Variants in AMBRA1 observed in about 807,000 individuals in gnomAD.
AMBRA1 encodes the protein activating molecule in BECN1-regulated autophagy protein 1.
Under a neutral mutation model 125.4 loss-of-function variants are expected in AMBRA1, and 47 were observed. That is an observed-to-expected ratio of 0.37 (90% CI 0.30 to 0.48). AMBRA1 has a LOEUF of 0.48. Ranked by LOEUF, AMBRA1 falls within the 20% of genes least tolerant of loss-of-function variation. The probability of loss-of-function intolerance (pLI) is 0.99; values close to 1 mark genes in which losing one functional copy is unlikely to be tolerated. For missense variants in AMBRA1, 1,331 were observed against 1,693.4 expected (o/e 0.79, Z 3.76); for synonymous variants, 626 against 655.5 (o/e 0.95, Z 0.69).
chr11:46,443,390 T>A, intron 12 of AMBRA1, 98 bp downstream of exon 12: 1 of 902,246 alleles, frequency 1.1e-6, no homozygotes. Flanking sequence ...AACTGCTCAA[T>A]AGGATGATGA....
At chr11:46,547,482 C>T (rs946563379) in intron 3 of AMBRA1, 186 bp from the exon 4 acceptor site, 11 of 599,534 alleles carry the variant, frequency 1.8e-5, no homozygotes, top group Non-Finnish European at 3.1e-5. Context: ...TTTGGCTTGT[C>T]CACACTGTCC....
At chr11:46,459,809 C>T (rs1949020792) in intron 11 of AMBRA1, among the ~76,000 whole-genome samples, 2 of 150,946 alleles carry the variant, frequency 1.3e-5, no homozygotes, top group African/African-American at 2.4e-5. Context: ...AAAATATATA[C>T]ATTTTACTAT....
At chr11:46,415,069 C>T (rs1384545366) in intron 15 of AMBRA1, among the ~76,000 whole-genome samples, 1 of 151,992 alleles carries the variant, frequency 6.6e-6, no homozygotes, top group Non-Finnish European at 1.5e-5. Context: ...GGGAGGGCTG[C>T]AATCTTGGCC....
At chr11:46,524,768 C>T (rs1235018851) in intron 7 of AMBRA1, among the ~76,000 whole-genome samples, 1 of 152,190 alleles carries the variant, frequency 6.6e-6, no homozygotes, top group Non-Finnish European at 1.5e-5. Flanking sequence ...TCTGTCCACT[C>T]AAGTCACTAT....
intron 7 of AMBRA1, among the ~76,000 whole-genome samples, chr11:46,535,776 G>A (rs1186459180): frequency 6.6e-6 from 1 of 152,066 alleles, no homozygotes; most frequent in African/African-American, 2.4e-5. Context: ...ATAGGAATGG[G>A]GTACCAAAAA....
At chr11:46,538,290 A>C (rs1202591277) in intron 7 of AMBRA1, among the ~76,000 whole-genome samples, 2 of 152,212 alleles carry the variant, frequency 1.3e-5, no homozygotes, top group African/African-American at 2.4e-5. Flanking sequence ...TTAATATACT[A>C]TCTTACAATG....
At chr11:46,497,447 G>T (rs1028574505) in intron 9 of AMBRA1, among the ~76,000 whole-genome samples, 2 of 152,164 alleles carry the variant, frequency 1.3e-5, no homozygotes, top group Admixed American at 6.6e-5. Flanking sequence ...TGGAGAAATA[G>T]GAGCTAAATG....
intron 7 of AMBRA1, among the ~76,000 whole-genome samples, chr11:46,529,923 T>C (rs966624563): frequency 1.3e-5 from 2 of 152,170 alleles, no homozygotes; most frequent in African/African-American, 2.4e-5. Flanking sequence ...TACTGAATCC[T>C]GGGCCCACCC....
chr11:46,592,520 G>A (rs1368398494), intron 1 of AMBRA1, among the ~76,000 whole-genome samples: 1 of 152,140 alleles, frequency 6.6e-6, no homozygotes, highest in Non-Finnish European at 1.5e-5. Context: ...CACTTTGAGA[G>A]GCCGACGTGG....
rs532906879 is a variant in AMBRA1 at position 46,470,833 on chromosome 11, A to G, written c.2521+22775T>C. 3.9e-5 allele frequency among the ~76,000 whole-genome samples: 6 copies of G among 152,292 alleles called. No homozygotes were observed. In the South Asian group the frequency reaches 1.2e-3, roughly 32 times the overall value. On this transcript the variant is annotated intron_variant, in intron 11 of 17. Transcript: ENST00000683756. ...AAGGAAGTTTGTTTACTCATCAGACAAATATTTGAGTATCTACTACATGCC... is the reference window on the plus strand; with the variant it reads ...AAGGAAGTTTGTTTACTCATCAGACGAATATTTGAGTATCTACTACATGCC...
At chr11:46,562,118 A>T (rs1185672719) in intron 1 of AMBRA1, among the ~76,000 whole-genome samples, 1 of 152,220 alleles carries the variant, frequency 6.6e-6, no homozygotes, top group Non-Finnish European at 1.5e-5. Flanking sequence ...GAAAGAAAAC[A>T]ACACACCCTT....
intron 7 of AMBRA1, among the ~76,000 whole-genome samples, chr11:46,538,194 A>G (rs1464845154): frequency 6.6e-6 from 1 of 152,210 alleles, no homozygotes. Context: ...AACATACCTC[A>G]TTTTTGAGAC....
Position 46,512,709 on chromosome 11 carries a change from T to C in AMBRA1, c.2159+18A>G, listed in dbSNP as rs774436853. On this transcript the variant is annotated intron_variant, in intron 8 of 17. Transcript: ENST00000683756. Reference sequence around the variant, plus strand: ...CGCCCCTCCCCCCACCTAGTGCCATTTCTCACTTTGGCCTTACCTCGCTGG... The same window carrying C: ...CGCCCCTCCCCCCACCTAGTGCCATCTCTCACTTTGGCCTTACCTCGCTGG... 1 of 1,610,076 alleles carries C rather than the reference T, an allele frequency of 6.2e-7. No individual in the cohort carries two copies. Among genetic ancestry groups the C allele is most frequent in the Admixed American group, 1.7e-5 (1 of 59,708 alleles).
chr11:46,569,674 T>C (rs2043685151), intron 1 of AMBRA1, among the ~76,000 whole-genome samples: 2 of 151,968 alleles, frequency 1.3e-5, no homozygotes, highest in Middle Eastern at 3.4e-3. Context: ...TCCCGGCACT[T>C]TGGGAGGCTA....
chr11:46,419,151 G>T (rs1046512205), intron 14 of AMBRA1, among the ~76,000 whole-genome samples: 2 of 152,192 alleles, frequency 1.3e-5, no homozygotes, highest in Admixed American at 6.5e-5. Context: ...CTTGTTTCTA[G>T]CTTATATAAA....
intron 2 of AMBRA1, 129 bp from the exon 3 acceptor site, chr11:46,548,004 T>C (rs1214382501): frequency 5.6e-6 from 7 of 1,239,772 alleles, no homozygotes; most frequent in Non-Finnish European, 7.9e-6. Context: ...GAGACAATGA[T>C]CAAGCTACAA....
Position 46,508,512 on chromosome 11 carries a change from C to T in AMBRA1, c.2160-142G>A. 3.8e-6 allele frequency: 3 copies of T among 790,226 alleles called. No individual in the cohort carries two copies. In the South Asian group the frequency reaches 5.4e-5, roughly 14 times the overall value. The allele number at this position is 790,226 out of a possible 1,614,324, so 49.0% of individuals were successfully genotyped here. On this transcript the variant is annotated intron_variant, in intron 8 of 17. Transcript: ENST00000683756. ...GAAAATTAAAGGGCATTTAACTCAA[C>T]TCACCAGGAGGTTTGCACTGCAGAA...
At chr11:46,398,360 A>G (rs913976595) in intron 17 of AMBRA1, among the ~76,000 whole-genome samples, 2 of 152,172 alleles carry the variant, frequency 1.3e-5, no homozygotes, top group African/African-American at 4.8e-5. Flanking sequence ...CTCTGCAAAG[A>G]GAGTAGGTAC....
intron 11 of AMBRA1, among the ~76,000 whole-genome samples, chr11:46,468,330 A>G (rs898357935): frequency 2.0e-5 from 3 of 151,916 alleles, no homozygotes; most frequent in Non-Finnish European, 2.9e-5. Context: ...GCTTGAGTCC[A>G]GGAGTTTGAG....
Sources: allele counts gnomAD v4.1 joint callset (sites outside exome capture counted in the v4.1 genomes callset), GRCh38; gene constraint gnomAD v4.1.1; transcripts MANE v1.5; gene names NCBI Gene and HGNC (gene_info 2026-07-23, HGNC 2026-07-21).